DHRS12: variants seen among roughly 807,000 people sequenced by gnomAD.
The protein encoded by DHRS12 is dehydrogenase/reductase SDR family member 12.
In DHRS12, 29 loss-of-function variants were observed where a neutral mutation model predicts 32.1. That is an observed-to-expected ratio of 0.90 (90% CI 0.67 to 1.23). DHRS12 has a LOEUF of 1.23. DHRS12 is among the 50% of genes most tolerant of loss of function. The pLI is 0.00. For synonymous variants in DHRS12, 150 were observed against 135.9 expected, an observed-to-expected ratio of 1.10 and a Z score of -0.72; for missense variants, 330 against 337.2, an observed-to-expected ratio of 0.98 and a Z score of 0.17.
At chr13:51,771,440 T>C (rs147409219) in intron 7 of DHRS12, 9 of 1,613,932 alleles carry the variant, frequency 5.6e-6, no homozygotes, top group Non-Finnish European at 6.8e-6. Context: ...ACCTGGGGAG[T>C]GGTGAGGCAG....
rs778899689 is a variant in DHRS12, at chr13:51,769,246, G to C, written c.607C>G (p.Leu203Val). ...TCCGCGCCCTGGGCCTCGGAGCGCA[G>C]GCGGTCCCCGAACCTGGCGTGGAAC... is the stretch of plus-strand genomic sequence containing the variant. The part of the protein sequence containing the change: ...PGFHARFGDR[L>V]RSEAQGADTM... The change falls in exon 8 of 9, where the codon CTG becomes GTG. Residue 203 changes from leucine (L) to valine (V), a missense_variant. Leu to Val is a conservative substitution (Grantham distance 32, BLOSUM62 1). Coordinates refer to ENST00000444610, the MANE Select transcript of DHRS12 (RefSeq NM_001377533.1). 5.7e-6 allele frequency: 9 copies of C among 1,591,500 alleles called. No homozygotes were observed. The highest frequency in any genetic ancestry group is 7.7e-6 in the Non-Finnish European group (9 of 1,169,748).
chr13:51,787,663 A>G (rs1955017915), intron 4 of DHRS12, among the ~76,000 whole-genome samples: 1 of 143,914 alleles, frequency 6.9e-6, no homozygotes, highest in Non-Finnish European at 1.5e-5. Flanking sequence ...TAAATTAAAT[A>G]TAAGTATATA....
chr13:51,768,414 G>GTT (rs1953850695), intron 8 of DHRS12, 118 bp from the exon 9 acceptor site: 1 of 1,479,692 alleles, frequency 6.8e-7, no homozygotes, highest in East Asian at 2.5e-5. Context: ...CCCTACAGCT[G>GTT]TTAGACCCCC....
chr13:51,781,642 G>A lies in DHRS12; in HGVS notation c.302-4521C>T, dbSNP rs893735034. Among the ~76,000 whole-genome samples the A allele has an allele frequency of 2.0e-5, 3 of 152,166 alleles. No individual in the cohort carries two copies. In the East Asian group the frequency reaches 5.8e-4, roughly 29 times the overall value. ...GGAGGGAACAGGCAGGTAGAGGGCT[G>A]GGGATGGGAAGAAGGGCTGCAGGTA... On this transcript the variant is annotated intron_variant, in intron 4 of 8. Coordinates refer to ENST00000444610, the MANE Select transcript of DHRS12 (RefSeq NM_001377533.1).
At chr13:51,803,932 C>G in intron 1 of DHRS12, 122 bp downstream of exon 1, 1 of 955,624 alleles carries the variant, frequency 1.0e-6, no homozygotes, top group South Asian at 3.3e-5. Flanking sequence ...GTTCTGGACA[C>G]GCTTAGTCGG....
rs139607787 is a variant in DHRS12, at chr13:51,799,302, G to A, written c.126+232C>T. Among the ~76,000 whole-genome samples the A allele has an allele frequency of 2.9e-3, 444 of 152,304 alleles. 1 individual carries two copies. The highest frequency in any genetic ancestry group is 4.0e-3 in the Non-Finnish European group (274 of 68,036). ...TCTTAATCAGAAAACACTGGGACAC[G>A]TGGGCAGGACCCCAAGCTCGCCTGA... On this transcript the variant is annotated intron_variant, in intron 2 of 8. Coordinates refer to ENST00000444610, the MANE Select transcript of DHRS12 (RefSeq NM_001377533.1).
At chr13:51,759,351 G>A in the DHRS12 span, among the ~76,000 whole-genome samples, 1 of 151,984 alleles carries the variant, frequency 6.6e-6, no homozygotes, top group African/African-American at 2.4e-5. Flanking sequence ...CTATTTGGAG[G>A]GTGGAACAAA....
the DHRS12 span, chr13:51,756,431 G>A: frequency 1.2e-6 from 2 of 1,614,114 alleles, no homozygotes; most frequent in South Asian, 2.2e-5. Flanking sequence ...GAGGGTCTGT[G>A]ACAGCTGCCA....
At chr13:51,759,754 C>T in the DHRS12 span, 1 of 1,613,462 alleles carries the variant, frequency 6.2e-7, no homozygotes, top group Non-Finnish European at 8.5e-7. Context: ...GGGATATGAC[C>T]CCAGTCGTGT....
chr13:51,768,916 G>A (rs762867913), intron 8 of DHRS12: 17 of 1,388,906 alleles, frequency 1.2e-5, no homozygotes, highest in East Asian at 5.7e-5. Flanking sequence ...TGCCTCTCCC[G>A]TTCTCACAGG....
At chr13:51,783,140 C>A (rs1954797557) in intron 4 of DHRS12, among the ~76,000 whole-genome samples, 1 of 152,166 alleles carries the variant, frequency 6.6e-6, no homozygotes, top group Non-Finnish European at 1.5e-5. Context: ...GAAAAATGAT[C>A]TCTGACTTCT....
At chr13:51,758,086 C>A in the DHRS12 span, 1 of 593,726 alleles carries the variant, frequency 1.7e-6, no homozygotes, top group Non-Finnish European at 2.9e-6. Flanking sequence ...GTCAGTGAAG[C>A]AGTTTTAGCC....
At chr13:51,800,893 T>G (rs1955723939) in intron 1 of DHRS12, among the ~76,000 whole-genome samples, 1 of 152,228 alleles carries the variant, frequency 6.6e-6, no homozygotes, top group Non-Finnish European at 1.5e-5. Context: ...CCCTACCCAT[T>G]GCTTCTGCTG....
rs1331319734 is a variant in DHRS12 at position 51,782,983 on chromosome 13, G to A, written c.302-5862C>T. ...AAGGGCAGACACCACGGAGCCTGGC[G>A]AGGACTCTGCACCACCATGGAGCTG... On this transcript the variant is annotated intron_variant, in intron 4 of 8. Transcript: ENST00000444610. The surrounding 1 kb of genome is among the most constrained non-coding windows in gnomAD (Gnocchi z 4.2). 3.9e-5 allele frequency among the ~76,000 whole-genome samples: 6 copies of A among 152,184 alleles called. No homozygotes were observed. The highest frequency in any genetic ancestry group is 2.1e-4 in the South Asian group (1 of 4,832).
intron 5 of DHRS12, 141 bp from the exon 6 acceptor site, chr13:51,774,175 C>G: frequency 3.1e-6 from 2 of 654,764 alleles, no homozygotes; most frequent in Non-Finnish European, 2.7e-6. Flanking sequence ...TATTCTCCTA[C>G]AGTATTCTCC....
intron 1 of DHRS12, among the ~76,000 whole-genome samples, chr13:51,801,618 T>C (rs930473182): frequency 5.3e-5 from 8 of 152,276 alleles, no homozygotes; most frequent in African/African-American, 1.9e-4. Flanking sequence ...AACTGGAAGA[T>C]TTTTTTCCCC....
intron 6 of DHRS12, among the ~76,000 whole-genome samples, chr13:51,773,349 G>A (rs542017999): frequency 8.5e-5 from 13 of 152,182 alleles, no homozygotes; most frequent in Non-Finnish European, 1.9e-4. Context: ...GAAACAAAAT[G>A]TGTGTTCATG....
At chr13:51,758,204 A>T in the DHRS12 span, 5 of 1,576,884 alleles carry the variant, frequency 3.2e-6, no homozygotes, top group Middle Eastern at 1.7e-4. Context: ...GTGCACCCAC[A>T]GCCACCTTCC....
chr13:51,771,097 T>A (rs748783226), intron 7 of DHRS12: 185 of 1,459,488 alleles, frequency 1.3e-4, no homozygotes, highest in Admixed American at 9.5e-4. Context: ...AGTTCCCTCA[T>A]CTGTAAATGG....
Sources: allele counts gnomAD v4.1 joint callset (sites outside exome capture counted in the v4.1 genomes callset), GRCh38; gene constraint gnomAD v4.1.1; non-coding constraint Gnocchi (gnomAD v3.1); transcripts MANE v1.5; gene names NCBI Gene and HGNC (gene_info 2026-07-23, HGNC 2026-07-21).